ACACB: variants seen among roughly 807,000 people sequenced by gnomAD.
ACACB encodes acetyl-CoA carboxylase 2.
In ACACB, 209 loss-of-function variants were observed where a neutral mutation model predicts 278.8. That is an observed-to-expected ratio of 0.75 (90% CI 0.67 to 0.84). The LOEUF (loss-of-function observed/expected upper bound fraction) is 0.84, where lower values mean the gene tolerates loss of function less well. Among genes scored for constraint, ACACB ranks in the 40% least tolerant of loss-of-function variants. ACACB has a pLI of 0.00. For missense variants in ACACB, 2,850 were observed against 3,269.0 expected (o/e 0.87, Z 3.13); for synonymous variants, 1,174 against 1,285.6 (o/e 0.91, Z 1.86).
chr12:109,131,914 G>A lies in ACACB; in HGVS notation c.-9-7483G>A, dbSNP rs577793658. Among the ~76,000 whole-genome samples, 6 of 152,210 alleles carry A rather than the reference G, an allele frequency of 3.9e-5. No individual in the cohort carries two copies. The East Asian group carries it at 7.8e-4, about 20-fold the overall frequency. Reference sequence around the variant, plus strand: ...TTGACCACGGCCCCCCCACGCCACCGTCTGGCACCGTTAGTTTGCATGTCG... The same window carrying A: ...TTGACCACGGCCCCCCCACGCCACCATCTGGCACCGTTAGTTTGCATGTCG... On this transcript the variant is annotated intron_variant, in intron 1 of 52. Coordinates refer to ENST00000338432, the MANE Select transcript of ACACB (RefSeq NM_001093.4).
chr12:109,167,280 T>TA lies in ACACB; in HGVS notation c.786+297dup, dbSNP rs749811378. 832 of 272,822 alleles carry TA rather than the reference T, an allele frequency of 3.0e-3. 1 individual carries two copies. The highest frequency in any genetic ancestry group is 8.0e-3 in the East Asian group (97 of 12,112). 16.9% of individuals were successfully genotyped at this position (272,822 alleles called of 1,614,324 possible). On this transcript the variant is annotated intron_variant, in intron 3 of 52. Transcript: ENST00000338432. ...GGTGATCACAATGACACCAAAGGAA[T>TA]AAAAAAAAAATCATTCACTGGGCTC... is the stretch of plus-strand genomic sequence containing the variant.
rs1216217057 is a variant in ACACB at position 109,167,621 on chromosome 12, G to GTATATATATATATATATATATA, written c.787-263_787-242dup. Among the ~76,000 whole-genome samples the GTATATATATATATATATATATA allele has an allele frequency of 2.8e-3, 213 of 77,436 alleles. 2 individuals are homozygous for GTATATATATATATATATATATA. The highest frequency in any genetic ancestry group is 7.4e-3 in the East Asian group (11 of 1,492). 50.8% of individuals were successfully genotyped at this position (77,436 alleles called of 152,430 possible). A position where few individuals can be genotyped will look rare whatever the true frequency, so the allele number is the denominator to read the frequency against. ...CTCAAAAAAAAAAATATATGTATGT[G>GTATATATATATATATATATATA]TATATATATATATATATATATATAT... is the stretch of plus-strand genomic sequence containing the variant. On this transcript the variant is annotated intron_variant, in intron 3 of 52. Coordinates refer to ENST00000338432, the MANE Select transcript of ACACB (RefSeq NM_001093.4).
chr12:109,133,875 T>A (rs1400154815), intron 1 of ACACB, among the ~76,000 whole-genome samples: 9 of 67,992 alleles, frequency 1.3e-4, no homozygotes, highest in African/African-American at 4.5e-4. Flanking sequence ...TTTTTTTTTT[T>A]TTTTTTTCAT....
At chr12:109,169,245 A>G (rs952918040) in intron 4 of ACACB, among the ~76,000 whole-genome samples, 6 of 151,366 alleles carry the variant, frequency 4.0e-5, no homozygotes, top group Admixed American at 2.0e-4. Context: ...TGCTGTTCCC[A>G]ATATTAGCAA....
chr12:109,245,523 A>G (rs1361227779), intron 37 of ACACB, 103 bp from the exon 38 acceptor site: 5 of 1,263,572 alleles, frequency 4.0e-6, no homozygotes, highest in South Asian at 1.7e-5. Context: ...AGAGTGAACT[A>G]CAGAATTCAC....
At chr12:109,187,431 T>TTTTA (rs59491550) in intron 12 of ACACB, among the ~76,000 whole-genome samples, 8,705 of 146,248 alleles carry the variant, frequency 0.06, 314 homozygotes, top group Middle Eastern at 0.076. Flanking sequence ...AACTCGCTTA[T>TTTTA]TTTATTTATT....
Position 109,216,784 on chromosome 12 carries a change from T to G in ACACB, c.3440-12T>G, listed in dbSNP as rs781194631. The G allele has an allele frequency of 6.8e-6, 11 of 1,614,108 alleles. No homozygotes were observed. The South Asian group carries it at 1.2e-4, about 18-fold the overall frequency. ...TGAGCTTTACCTCTGTGTGGTGTTTTGTCTCCCCCAGCCCACTACGACAAG... is the reference window on the plus strand; with the variant it reads ...TGAGCTTTACCTCTGTGTGGTGTTTGGTCTCCCCCAGCCCACTACGACAAG... On this transcript the variant is annotated splice_polypyrimidine_tract_variant and intron_variant, in intron 23 of 52. Coordinates refer to ENST00000338432, the MANE Select transcript of ACACB (RefSeq NM_001093.4).
intron 24 of ACACB, among the ~76,000 whole-genome samples, chr12:109,218,716 T>C (rs35307494): frequency 0.34 from 49,066 of 145,942 alleles, 8,751 homozygotes; most frequent in African/African-American, 0.45. Context: ...TGCAATGGCA[T>C]AATCTTGGCT....
chr12:109,242,898 C>T (rs868172475), intron 37 of ACACB, among the ~76,000 whole-genome samples: 7 of 151,730 alleles, frequency 4.6e-5, no homozygotes, highest in African/African-American at 1.2e-4. Context: ...CCTGGGAGGT[C>T]GAGGCTGCAG....
At chr12:109,222,440 G>C in intron 24 of ACACB, 67 bp from the exon 25 acceptor site, 1 of 1,458,028 alleles carries the variant, frequency 6.9e-7, no homozygotes, top group Non-Finnish European at 9.6e-7. Context: ...TCCCCAAGTC[G>C]AGATGAGTGC....
chr12:109,170,601 T>C (rs1265468909), intron 4 of ACACB, among the ~76,000 whole-genome samples: 1 of 151,934 alleles, frequency 6.6e-6, no homozygotes, highest in Non-Finnish European at 1.5e-5. Flanking sequence ...ACTAGAGTAG[T>C]GCAATTCATA....
Position 109,128,134 on chromosome 12 carries a change from C to T in ACACB, c.-9-11263C>T, listed in dbSNP as rs191246661. On this transcript the variant is annotated intron_variant, in intron 1 of 52. Transcript: ENST00000338432. ...TCTCTGAACTGCCTTCTAGATGTGG[C>T]TTTTCCTGATTCTGAGATTCTAGCA... is the stretch of plus-strand genomic sequence containing the variant. Among the ~76,000 whole-genome samples, 17 of 152,196 alleles carry T rather than the reference C, an allele frequency of 1.1e-4. No homozygotes were observed. In the East Asian group the frequency reaches 3.3e-3, roughly 29 times the overall value.
intron 15 of ACACB, among the ~76,000 whole-genome samples, chr12:109,193,218 T>A (rs1177639996): frequency 3.8e-3 from 1 of 262 alleles, no homozygotes; most frequent in African/African-American, 0.028. Context: ...AGATTTAGCC[T>A]TTTTTTTTTT....
At chr12:109,200,420 G>A (rs1203443711) in intron 18 of ACACB, among the ~76,000 whole-genome samples, 1 of 152,114 alleles carries the variant, frequency 6.6e-6, no homozygotes, top group African/African-American at 2.4e-5. Context: ...CTGAGCTCAG[G>A]TGATCCACCT....
intron 2 of ACACB, among the ~76,000 whole-genome samples, chr12:109,162,749 G>T (rs1046078497): frequency 2.6e-5 from 4 of 152,064 alleles, no homozygotes; most frequent in African/African-American, 9.7e-5. Flanking sequence ...GGGGAATCTG[G>T]CCAGCGAGAG....
At chr12:109,169,988 A>G (rs559825427) in intron 4 of ACACB, among the ~76,000 whole-genome samples, 2 of 152,160 alleles carry the variant, frequency 1.3e-5, no homozygotes, top group Admixed American at 1.3e-4. Flanking sequence ...GATCTTAGCA[A>G]TTCTATAGTA....
At chr12:109,260,178 G>T in intron 47 of ACACB, 2 of 1,424,898 alleles carry the variant, frequency 1.4e-6, no homozygotes, top group Non-Finnish European at 1.9e-6. Context: ...TGCTGGAAAT[G>T]GTGGGGCAGG....
chr12:109,222,380 C>T, intron 24 of ACACB, 127 bp from the exon 25 acceptor site: 2 of 772,348 alleles, frequency 2.6e-6, no homozygotes, highest in Non-Finnish European at 4.5e-6. Flanking sequence ...ACAGGCTGTG[C>T]TGGGCCTGTT....
In ACACB at chr12:109,197,015, G is replaced by A. The variant is rs769197510; in HGVS notation, c.2489G>A (p.Arg830Gln). Residue 830 changes from arginine to glutamine, a missense_variant, in exon 17 of 53, where the codon CGG (arginine) becomes CAG (glutamine). By Grantham distance (43) the Arg-to-Gln change is conservative. Transcript: ENST00000338432. Reference protein sequence around the residue: ...GGVKYILKVARQSLTMFVLIM... With the variant: ...GGVKYILKVAQQSLTMFVLIM... The stretch of plus-strand genomic sequence containing the variant: ...AGGGGCTTGTCCCCACAGGTGGCCC[G>A]GCAGTCTCTGACCATGTTCGTTCTC... 1.0e-5 allele frequency: 16 copies of A among 1,561,226 alleles called. No individual in the cohort carries two copies. Among genetic ancestry groups the A allele is most frequent in the East Asian group, 7.4e-5 (3 of 40,488 alleles).
Sources: allele counts gnomAD v4.1 joint callset (sites outside exome capture counted in the v4.1 genomes callset), GRCh38; gene constraint gnomAD v4.1.1; transcripts MANE v1.5; gene names NCBI Gene and HGNC (gene_info 2026-07-23, HGNC 2026-07-21).